Variants in TWIST2 observed in about 807,000 individuals in gnomAD.
TWIST2 encodes the protein twist family bHLH transcription factor 2, also known as twist-related protein 2.
In TWIST2, 1 loss-of-function variant was observed where a neutral mutation model predicts 11.6. The observed-to-expected ratio is 0.09, with a 90% CI of 0.03 to 0.41. The LOEUF (loss-of-function observed/expected upper bound fraction) is 0.41. Ranked by LOEUF, TWIST2 falls within the 10% of genes least tolerant of loss-of-function variation. The pLI is 0.98. For synonymous variants in TWIST2, 87 were observed against 96.6 expected, an observed-to-expected ratio of 0.90 and a Z score of 0.58; for missense variants, 168 against 226.4, an observed-to-expected ratio of 0.74 and a Z score of 1.66.
rs369789876 is a variant in TWIST2 at position 238,864,793 on chromosome 2, T to C, written c.*35+16060T>C. ...CTACCCTGGGAAACACCTGTGGGGC[T>C]GTCCCCTTCTCTGAGCATCTGTGAG... On this transcript the variant is annotated intron_variant, in intron 1 of 1. Transcript: ENST00000612363. This position sits in a 1 kb window ranked among gnomAD's most constrained non-coding sequence, Gnocchi z 4.7. 3.0e-4 allele frequency among the ~76,000 whole-genome samples: 45 copies of C among 152,268 alleles called. No individual in the cohort carries two copies. The South Asian group carries it at 9.1e-3, about 31-fold the overall frequency.
At chr2:238,861,272 G>A (rs1692429125) in intron 1 of TWIST2, among the ~76,000 whole-genome samples, 2 of 152,188 alleles carry the variant, frequency 1.3e-5, no homozygotes, top group African/African-American at 2.4e-5. Context: ...TGATTCATGA[G>A]CACGATATTC....
chr2:238,853,265 C>G (rs1010637315), intron 1 of TWIST2, among the ~76,000 whole-genome samples: 10 of 152,104 alleles, frequency 6.6e-5, no homozygotes, highest in Non-Finnish European at 1.2e-4. Flanking sequence ...TAAGCATACA[C>G]ACACAATTCT....
intron 1 of TWIST2, among the ~76,000 whole-genome samples, chr2:238,905,969 G>C (rs1347174034): frequency 2.1e-5 from 3 of 139,698 alleles, no homozygotes; most frequent in Non-Finnish European, 3.1e-5. Context: ...GTGTGCGTGT[G>C]TGTGCGCGCG....
chr2:238,855,358 G>T (rs1363206773), intron 1 of TWIST2, among the ~76,000 whole-genome samples: 1 of 152,094 alleles, frequency 6.6e-6, no homozygotes, highest in Non-Finnish European at 1.5e-5. Flanking sequence ...GACACCAATG[G>T]GCGAACAGTG....
rs953006627 is a variant in TWIST2 at position 238,895,712 on chromosome 2, G to A, written c.*36-14130G>A. Among the ~76,000 whole-genome samples the A allele has an allele frequency of 3.7e-4, 56 of 152,278 alleles. No individual in the cohort carries two copies. In the East Asian group the frequency reaches 7.8e-3, roughly 21 times the overall value. On this transcript the variant is annotated intron_variant, in intron 1 of 1. Transcript: ENST00000612363. The stretch of plus-strand genomic sequence containing the variant: ...AGGGTGGGGTAGATCCTGACGGACC[G>A]GTCAGACTCTGCGGCCTCAGCCCCG...
At chr2:238,901,534 G>T (rs906461188) in intron 1 of TWIST2, among the ~76,000 whole-genome samples, 6 of 152,188 alleles carry the variant, frequency 3.9e-5, no homozygotes, top group African/African-American at 1.4e-4. Context: ...GTTCAGCCTG[G>T]ATGTGCCCCC....
chr2:238,866,924 C>T lies in TWIST2; in HGVS notation c.*35+18191C>T, dbSNP rs529716907. Among the ~76,000 whole-genome samples the T allele has an allele frequency of 6.6e-6, 1 of 152,308 alleles. No individual in the cohort carries two copies. The highest frequency in any genetic ancestry group is 6.5e-5 in the Admixed American group (1 of 15,298). On this transcript the variant is annotated intron_variant, in intron 1 of 1. Coordinates refer to ENST00000612363, the MANE Select transcript of TWIST2 (RefSeq NM_001271893.4). The surrounding 1 kb of genome is among the most constrained non-coding windows in gnomAD (Gnocchi z 4.9). ...ATGTATCCGGATGCCCGGCTCAGCC[C>T]ATGCCCTGCACAAGTGGGGGTCATG...
intron 1 of TWIST2, among the ~76,000 whole-genome samples, chr2:238,856,270 G>T (rs909237564): frequency 6.6e-6 from 1 of 152,194 alleles, no homozygotes; most frequent in African/African-American, 2.4e-5. Context: ...TTAAATTATT[G>T]CTAATTCCAA....
intron 1 of TWIST2, among the ~76,000 whole-genome samples, chr2:238,851,333 T>C (rs1301252199): frequency 6.6e-6 from 1 of 152,204 alleles, no homozygotes; most frequent in Non-Finnish European, 1.5e-5. Flanking sequence ...AAATCAGGTG[T>C]CTTTGTCCAG....
chr2:238,888,600 CA>C (rs1159914787), intron 1 of TWIST2, among the ~76,000 whole-genome samples: 1 of 152,202 alleles, frequency 6.6e-6, no homozygotes, highest in African/African-American at 2.4e-5. Flanking sequence ...GTGGTAATTA[CA>C]TGCATTAAAA....
chr2:238,853,782 T>G (rs1357786409), intron 1 of TWIST2, among the ~76,000 whole-genome samples: 1 of 152,178 alleles, frequency 6.6e-6, no homozygotes, highest in East Asian at 1.9e-4. Flanking sequence ...GAGGAAAATG[T>G]TTTAGTGCTT....
chr2:238,905,912 TGCGTGCAG>T (rs1180518888), intron 1 of TWIST2, among the ~76,000 whole-genome samples: 67 of 113,794 alleles, frequency 5.9e-4, no homozygotes, highest in African/African-American at 2.6e-3. Context: ...TGCGTGTGTG[TGCGTGCAG>T]GTGTGCGTGT....
At chr2:238,880,621 G>C (rs981274787) in intron 1 of TWIST2, among the ~76,000 whole-genome samples, 5 of 90,946 alleles carry the variant, frequency 5.5e-5, no homozygotes, top group Non-Finnish European at 8.6e-5. Flanking sequence ...GTATTTATTA[G>C]TATTAGTGTT....
intron 1 of TWIST2, among the ~76,000 whole-genome samples, chr2:238,848,977 C>G (rs2106346185): frequency 6.6e-6 from 1 of 152,158 alleles, no homozygotes; most frequent in South Asian, 2.1e-4. Context: ...CGGTGACTCC[C>G]CCGGCGGGTT....
At chr2:238,872,908 CTGGCTGTTTGCAGTCCTTCTG>C (rs1692733586) in intron 1 of TWIST2, among the ~76,000 whole-genome samples, 3 of 152,186 alleles carry the variant, frequency 2.0e-5, no homozygotes, top group Admixed American at 2.0e-4. Context: ...TTACTGAGTC[CTGGCTGTTTGCAGTCCTTCTG>C]CTGGGTGCTG....
intron 1 of TWIST2, among the ~76,000 whole-genome samples, chr2:238,870,588 C>CA (rs1692661923): frequency 3.4e-5 from 1 of 29,020 alleles, no homozygotes; most frequent in African/African-American, 1.4e-4. Flanking sequence ...CACACACACA[C>CA]CACACACCCC....
chr2:238,905,895 G>A (rs1201278909), intron 1 of TWIST2, among the ~76,000 whole-genome samples: 198 of 120,870 alleles, frequency 1.6e-3, no homozygotes, highest in East Asian at 8.9e-3. Context: ...GCGCGCATGC[G>A]CGTGTGTGCG....
chr2:238,892,176 G>GGACTCAGCGGGTGAGAGACTCC, intron 1 of TWIST2, among the ~76,000 whole-genome samples: 1 of 106,510 alleles, frequency 9.4e-6, no homozygotes. Context: ...TCCTTCCCCA[G>GGACTCAGCGGGTGAGAGACTCC]GACTCAGCGG....
At chr2:238,905,910 TGTGCGTGCAGGTGTGCGTGTGC>T (rs1165789221) in intron 1 of TWIST2, among the ~76,000 whole-genome samples, 73 of 51,844 alleles carry the variant, frequency 1.4e-3, no homozygotes, top group African/African-American at 3.9e-3. Flanking sequence ...TGTGCGTGTG[TGTGCGTGCAGGTGTGCGTGTGC>T]GCGTGTGTGT....
Sources: gnomAD v4.1 joint callset for allele counts (sites outside exome capture counted in the v4.1 genomes callset) on GRCh38, gnomAD v4.1.1 for gene constraint, Gnocchi (gnomAD v3.1) non-coding constraint, MANE v1.5 for transcripts, NCBI Gene and HGNC (gene_info 2026-07-23, HGNC 2026-07-21) for gene names.